The following PACRG variants were observed in gnomAD, a reference collection of about 807,000 sequenced individuals.
PACRG encodes parkin coregulated gene protein.
Under a neutral mutation model 29.7 loss-of-function variants are expected in PACRG, and 29 were observed. The observed-to-expected ratio is 0.98, with a 90% CI of 0.73 to 1.33. PACRG has a LOEUF of 1.33. PACRG is among the 40% of genes most tolerant of loss of function. The pLI is 0.00. For synonymous variants in PACRG, 116 were observed against 118.7 expected (o/e 0.98, Z 0.15); for missense variants, 279 against 316.2 (o/e 0.88, Z 0.89).
chr6:162,727,286 G>C (rs531774976), upstream of PACRG: 2 of 321,150 alleles, frequency 6.2e-6, no homozygotes, highest in Admixed American at 5.3e-5. Flanking sequence ...TGAGGTGAGG[G>C]GCGAAGGTGA....
chr6:163,179,366 C>T lies in PACRG; in HGVS notation c.613+89958C>T, dbSNP rs564825382. 39 of 344,250 alleles carry T rather than the reference C, an allele frequency of 1.1e-4. 2 individuals are homozygous for T. Among genetic ancestry groups the T allele is most frequent in the South Asian group, 8.4e-4 (39 of 46,492 alleles). The allele number at this position is 344,250 out of a possible 1,614,324, so 21.3% of individuals were successfully genotyped here. On this transcript the variant is annotated intron_variant, in intron 4 of 4. Transcript: ENST00000366888. ...CAGAATTCCCAGAGCAGCCTGGCTT[C>T]AACCTACTCATTTGGTGTTCTTTAA... is the stretch of plus-strand genomic sequence containing the variant.
intron 4 of PACRG, among the ~76,000 whole-genome samples, chr6:163,143,483 C>A (rs909917074): frequency 2.6e-5 from 4 of 152,182 alleles, no homozygotes; most frequent in Admixed American, 2.6e-4. Context: ...CATCAGAAGT[C>A]GGCTTGTTGC....
Position 163,111,300 on chromosome 6 carries a change from G to T in PACRG, c.613+21892G>T, listed in dbSNP as rs559305558. Among the ~76,000 whole-genome samples the T allele has an allele frequency of 3.3e-5, 5 of 152,212 alleles. No individual in the cohort carries two copies. The South Asian group carries it at 8.3e-4, about 25-fold the overall frequency. ...ATTTTATGATCCCCTTGTAAACGCT[G>T]GCAAAATCAATGAGATTTCCATACC... On this transcript the variant is annotated intron_variant, in intron 4 of 4. Transcript: ENST00000366888.
At chr6:162,899,894 G>C (rs1266073030) in intron 2 of PACRG, among the ~76,000 whole-genome samples, 1 of 152,186 alleles carries the variant, frequency 6.6e-6, no homozygotes, top group East Asian at 1.9e-4. Flanking sequence ...ACCTGTTCCA[G>C]GTCTGAGCGC....
chr6:163,015,336 T>G (rs187380922), intron 2 of PACRG, among the ~76,000 whole-genome samples: 3 of 152,322 alleles, frequency 2.0e-5, no homozygotes, highest in Non-Finnish European at 4.4e-5. Flanking sequence ...TTCGGCCTCA[T>G]TTCTGGTTCT....
At chr6:162,744,177 G>T (rs1780809064) in intron 1 of PACRG, among the ~76,000 whole-genome samples, 1 of 152,036 alleles carries the variant, frequency 6.6e-6, no homozygotes, top group African/African-American at 2.4e-5. Context: ...GTCTAGAATA[G>T]GATCATTTTC....
At chr6:162,999,344 A>T (rs997315496) in intron 2 of PACRG, among the ~76,000 whole-genome samples, 4 of 152,174 alleles carry the variant, frequency 2.6e-5, no homozygotes, top group African/African-American at 7.2e-5. Context: ...AATTTATTTA[A>T]CTTACCTTTG....
chr6:162,812,577 C>G (rs966378048), intron 1 of PACRG, among the ~76,000 whole-genome samples: 4 of 151,274 alleles, frequency 2.6e-5, no homozygotes, highest in Non-Finnish European at 4.4e-5. Context: ...AAAAAAATAA[C>G]TTTTTGGCAA....
chr6:162,823,396 A>G (rs1348753445), intron 2 of PACRG, among the ~76,000 whole-genome samples: 1 of 152,090 alleles, frequency 6.6e-6, no homozygotes, highest in African/African-American at 2.4e-5. Flanking sequence ...CTTTCTTAGA[A>G]CAAATATTAC....
chr6:162,787,557 A>AT (rs1784563926), intron 1 of PACRG, among the ~76,000 whole-genome samples: 4 of 57,442 alleles, frequency 7.0e-5, no homozygotes, highest in East Asian at 1.8e-3. Flanking sequence ...ATATATGGTT[A>AT]TTGTGTGTGT....
intron 2 of PACRG, among the ~76,000 whole-genome samples, chr6:162,926,896 A>G (rs558448794): frequency 2.3e-4 from 35 of 152,332 alleles, no homozygotes; most frequent in African/African-American, 8.2e-4. Context: ...AAATTTTTGC[A>G]ATCTACCCAT....
chr6:162,980,145 C>T (rs1802284462), intron 2 of PACRG, among the ~76,000 whole-genome samples: 1 of 150,476 alleles, frequency 6.6e-6, no homozygotes, highest in Non-Finnish European at 1.5e-5. Context: ...TACTAGTTCT[C>T]ATCACAATTA....
At chr6:163,191,045 A>T (rs1780188468) in intron 4 of PACRG, 2 of 435,922 alleles carry the variant, frequency 4.6e-6, no homozygotes, top group African/African-American at 4.1e-5. Flanking sequence ...ATTACATATT[A>T]TCATTTGAAA....
At position 163,071,180 on chromosome 6, in the gene PACRG, T is replaced by C. The variant is rs986726519; in HGVS notation, c.463+8859T>C. The stretch of plus-strand genomic sequence containing the variant: ...AAAGAAACATTGACTTAATCTGTAC[T>C]ATAGACCAAATGAATCTAGTGGATA... On this transcript the variant is annotated intron_variant, in intron 3 of 4. Transcript: ENST00000366888. 3.9e-5 allele frequency among the ~76,000 whole-genome samples: 6 copies of C among 152,214 alleles called. No homozygotes were observed. In the East Asian group the frequency reaches 9.6e-4, roughly 24 times the overall value.
At chr6:162,880,971 G>C (rs1015794404) in intron 2 of PACRG, among the ~76,000 whole-genome samples, 7 of 152,224 alleles carry the variant, frequency 4.6e-5, no homozygotes, top group African/African-American at 1.4e-4. Context: ...CGCTCTGTCT[G>C]TACATTTACA....
intron 4 of PACRG, among the ~76,000 whole-genome samples, chr6:163,260,889 T>C (rs1413943096): frequency 6.6e-6 from 1 of 152,218 alleles, no homozygotes; most frequent in Non-Finnish European, 1.5e-5. Flanking sequence ...TCCCAGGGTC[T>C]CAGGACCATG....
Position 163,315,390 on chromosome 6 carries a change from T to C in PACRG, c.*403T>C, listed in dbSNP as rs1326596806. On this transcript the variant is annotated 3_prime_UTR_variant, in exon 5 of 5. Coordinates refer to ENST00000366888, the MANE Select transcript of PACRG (RefSeq NM_001080379.2). ...TAAGGGAAGAGTTTATGCTGACTGC[T>C]TACTAGGTGTTTGTCATGGAAGAGA... The C allele has an allele frequency of 1.3e-5, 2 of 157,460 alleles. No homozygotes were observed. Among genetic ancestry groups the C allele is most frequent in the African/African-American group, 4.8e-5 (2 of 41,562 alleles). 9.8% of individuals were successfully genotyped at this position (157,460 alleles called of 1,614,324 possible). A position where few individuals can be genotyped will look rare whatever the true frequency, so the allele number is the denominator to read the frequency against.
chr6:163,259,329 A>G (rs1482432838), intron 4 of PACRG, among the ~76,000 whole-genome samples: 1 of 152,152 alleles, frequency 6.6e-6, no homozygotes, highest in Non-Finnish European at 1.5e-5. Flanking sequence ...TGGAATCCCC[A>G]TGCTCCCCAA....
intron 2 of PACRG, among the ~76,000 whole-genome samples, chr6:163,018,921 C>CT (rs1422069718): frequency 6.6e-6 from 1 of 152,116 alleles, no homozygotes; most frequent in East Asian, 1.9e-4. Context: ...AAAAAATCCT[C>CT]TTTTTTGTCT....
Sources: gnomAD v4.1 joint callset for allele counts (sites outside exome capture counted in the v4.1 genomes callset) on GRCh38, gnomAD v4.1.1 for gene constraint, MANE v1.5 for transcripts, NCBI Gene and HGNC (gene_info 2026-07-23, HGNC 2026-07-21) for gene names.